Variants in HS3ST4 observed in about 807,000 individuals in gnomAD.
HS3ST4 encodes the protein heparan sulfate-glucosamine 3-sulfotransferase 4, also known as heparan sulfate glucosamine 3-O-sulfotransferase 4.
In HS3ST4, 17 loss-of-function variants were observed where a neutral mutation model predicts 29.2. That is an observed-to-expected ratio of 0.58 (90% CI 0.40 to 0.87). The LOEUF (loss-of-function observed/expected upper bound fraction) is 0.87. Among genes scored for constraint, HS3ST4 ranks in the 40% least tolerant of loss-of-function variants. The pLI, the probability that HS3ST4 is intolerant of heterozygous loss-of-function variation, is 0.00. For missense variants in HS3ST4, 627 were observed against 634.5 expected (o/e 0.99, Z 0.13); for synonymous variants, 314 against 285.7 (o/e 1.10, Z -1.00).
intron 1 of HS3ST4, among the ~76,000 whole-genome samples, chr16:25,723,901 C>A (rs1440638465): frequency 6.6e-6 from 1 of 152,060 alleles, no homozygotes; most frequent in Non-Finnish European, 1.5e-5. Flanking sequence ...ATCACGAGGT[C>A]AAGAGATCGA....
At chr16:25,698,862 G>A (rs918429297) in intron 1 of HS3ST4, among the ~76,000 whole-genome samples, 4 of 152,190 alleles carry the variant, frequency 2.6e-5, no homozygotes, top group Non-Finnish European at 5.9e-5. Flanking sequence ...GTATAAATGA[G>A]CGAGGTAGAC....
intron 1 of HS3ST4, among the ~76,000 whole-genome samples, chr16:26,114,122 T>C (rs935811296): frequency 2.6e-5 from 4 of 152,094 alleles, no homozygotes; most frequent in African/African-American, 9.7e-5. Flanking sequence ...ATCCAAAAGA[T>C]GGCAAGAAGT....
At chr16:25,745,809 T>C (rs1183354569) in intron 1 of HS3ST4, among the ~76,000 whole-genome samples, 1 of 152,242 alleles carries the variant, frequency 6.6e-6, no homozygotes, top group Admixed American at 6.5e-5. Flanking sequence ...TTCACCAATC[T>C]ACATGTTTTG....
intron 1 of HS3ST4, among the ~76,000 whole-genome samples, chr16:25,934,194 A>G (rs1393651997): frequency 2.0e-5 from 3 of 152,196 alleles, no homozygotes; most frequent in Non-Finnish European, 4.4e-5. Context: ...GGCAAACGTT[A>G]GTGCATTAGG....
intron 1 of HS3ST4, among the ~76,000 whole-genome samples, chr16:25,723,418 C>T (rs1966510150): frequency 6.6e-6 from 1 of 152,102 alleles, no homozygotes; most frequent in African/African-American, 2.4e-5. Context: ...ACCAAGCAAC[C>T]ATATTTATCT....
chr16:25,707,522 A>G (rs1966383784), intron 1 of HS3ST4, among the ~76,000 whole-genome samples: 1 of 152,184 alleles, frequency 6.6e-6, no homozygotes, highest in South Asian at 2.1e-4. Flanking sequence ...AGGGGGCACT[A>G]TTGTAAATGG....
chr16:25,967,179 C>G (rs1358776436), intron 1 of HS3ST4, among the ~76,000 whole-genome samples: 1 of 152,124 alleles, frequency 6.6e-6, no homozygotes, highest in African/African-American at 2.4e-5. Flanking sequence ...GAGACGGAAT[C>G]TCGCTCGCTC....
At chr16:26,115,689 C>G (rs965058114) in intron 1 of HS3ST4, among the ~76,000 whole-genome samples, 1 of 152,044 alleles carries the variant, frequency 6.6e-6, no homozygotes, top group South Asian at 2.1e-4. Flanking sequence ...GGAGAAGGAG[C>G]CTGTGCCTCA....
intron 1 of HS3ST4, among the ~76,000 whole-genome samples, chr16:25,717,878 T>C (rs1435873039): frequency 6.6e-6 from 1 of 152,142 alleles, no homozygotes. Flanking sequence ...TCTAGGAAGT[T>C]CTTCCAGTAG....
intron 1 of HS3ST4, among the ~76,000 whole-genome samples, chr16:25,823,884 A>G (rs1395519118): frequency 6.6e-6 from 1 of 152,138 alleles, no homozygotes; most frequent in Non-Finnish European, 1.5e-5. Context: ...GTTTTTTTAT[A>G]TATTCTCTTA....
intron 1 of HS3ST4, among the ~76,000 whole-genome samples, chr16:26,077,508 T>G (rs149372318): frequency 3.9e-5 from 6 of 152,346 alleles, no homozygotes; most frequent in Non-Finnish European, 7.3e-5. Context: ...TAACCCCTTG[T>G]TCCACTGTGC....
chr16:25,712,082 T>G (rs1048912887), intron 1 of HS3ST4, among the ~76,000 whole-genome samples: 1 of 152,194 alleles, frequency 6.6e-6, no homozygotes, highest in East Asian at 1.9e-4. Context: ...ACTTTTACGT[T>G]TATAAAAATG....
At chr16:25,947,570 C>T (rs1968641132) in intron 1 of HS3ST4, among the ~76,000 whole-genome samples, 1 of 151,970 alleles carries the variant, frequency 6.6e-6, no homozygotes. Flanking sequence ...TGCAAAATCA[C>T]AAGTATAAGC....
At chr16:25,747,997 ACCAATAGAAGTCGCTGAAG>A (rs1452469403) in intron 1 of HS3ST4, among the ~76,000 whole-genome samples, 1 of 152,180 alleles carries the variant, frequency 6.6e-6, no homozygotes, top group Non-Finnish European at 1.5e-5. Context: ...TATCTCTGTT[ACCAATAGAAGTCGCTGAAG>A]CTGCAGTTGG....
chr16:25,696,346 A>G (rs566137077), intron 1 of HS3ST4, among the ~76,000 whole-genome samples: 1 of 152,358 alleles, frequency 6.6e-6, no homozygotes, highest in South Asian at 2.1e-4. Context: ...GGGCCAGGCC[A>G]ACTGGCTGCC....
chr16:26,127,841 G>A (rs28647988), intron 1 of HS3ST4, among the ~76,000 whole-genome samples: 4,974 of 152,168 alleles, frequency 0.033, 286 homozygotes, highest in African/African-American at 0.11. Context: ...TACCTGCCTG[G>A]CACAAACTTT....
At chr16:25,889,850 T>C (rs113201445) in intron 1 of HS3ST4, among the ~76,000 whole-genome samples, 4,360 of 152,154 alleles carry the variant, frequency 0.029, 197 homozygotes, top group African/African-American at 0.099. Flanking sequence ...TGTTCTCTGA[T>C]AGTGAGTAAG....
intron 1 of HS3ST4, among the ~76,000 whole-genome samples, chr16:25,977,035 C>T (rs914294747): frequency 6.6e-6 from 1 of 152,130 alleles, no homozygotes; most frequent in African/African-American, 2.4e-5. Context: ...AGTTTGTGGA[C>T]CCCTCACCCA....
chr16:25,788,680 A>G (rs1387577766), intron 1 of HS3ST4, among the ~76,000 whole-genome samples: 1 of 150,784 alleles, frequency 6.6e-6, no homozygotes, highest in Non-Finnish European at 1.5e-5. Flanking sequence ...AGTTGGGACT[A>G]TAGGCATGCA....
Sources: allele counts gnomAD v4.1 joint callset (sites outside exome capture counted in the v4.1 genomes callset), GRCh38; gene constraint gnomAD v4.1.1; transcripts MANE v1.5; gene names NCBI Gene and HGNC (gene_info 2026-07-23, HGNC 2026-07-21).